Variants in COL6A6 observed in about 807,000 individuals in gnomAD.
The protein encoded by COL6A6 is collagen type VI alpha 6 chain.
COL6A6 carries 183 observed loss-of-function variants against 208.6 expected under a neutral mutation model. That is an observed-to-expected ratio of 0.88 (90% CI 0.78 to 0.99). The LOEUF is 0.99. Ranked by LOEUF, COL6A6 falls within the 50% of genes least tolerant of loss-of-function variation. The pLI, the probability that COL6A6 is intolerant of heterozygous loss-of-function variation, is 0.00. For synonymous variants in COL6A6, 973 were observed against 1,011.8 expected, an observed-to-expected ratio of 0.96 and a Z score of 0.73; for missense variants, 2,816 against 2,815.2, an observed-to-expected ratio of 1.00 and a Z score of -0.01.
At chr3:130,609,175 T>C (rs139799726) in intron 22 of COL6A6, among the ~76,000 whole-genome samples, 46 of 152,330 alleles carry the variant, frequency 3.0e-4, no homozygotes, top group Non-Finnish European at 5.7e-4. Context: ...GAAAAGTGAA[T>C]GAGCAAACTA....
At chr3:130,665,183 C>A in intron 36 of COL6A6, 87 bp downstream of exon 36, 1 of 821,664 alleles carries the variant, frequency 1.2e-6, no homozygotes, top group Non-Finnish European at 1.9e-6. Context: ...TGCTTTTCTT[C>A]CTCCTCCATC....
At chr3:130,662,637 A>G (rs2065966476) in intron 35 of COL6A6, among the ~76,000 whole-genome samples, 1 of 152,182 alleles carries the variant, frequency 6.6e-6, no homozygotes, top group African/African-American at 2.4e-5. Flanking sequence ...TACAAAGTAG[A>G]AATCCTTGCA....
intron 28 of COL6A6, among the ~76,000 whole-genome samples, chr3:130,638,562 T>C (rs2065221235): frequency 6.6e-6 from 1 of 152,326 alleles, no homozygotes; most frequent in East Asian, 1.9e-4. Flanking sequence ...CAGACTCCTC[T>C]TGTTGGATTT....
At chr3:130,609,685 G>A (rs561432176) in intron 22 of COL6A6, among the ~76,000 whole-genome samples, 2 of 152,216 alleles carry the variant, frequency 1.3e-5, no homozygotes, top group East Asian at 3.9e-4. Context: ...AAAGCTTGAG[G>A]AATAAGTGTT....
At chr3:130,583,510 T>A (rs2063469810) in intron 10 of COL6A6, among the ~76,000 whole-genome samples, 1 of 152,228 alleles carries the variant, frequency 6.6e-6, no homozygotes, top group Non-Finnish European at 1.5e-5. Flanking sequence ...TAAGACCAAG[T>A]ATCTTTCTTC....
intron 6 of COL6A6, among the ~76,000 whole-genome samples, chr3:130,569,246 C>T (rs939560973): frequency 3.3e-5 from 5 of 152,058 alleles, no homozygotes; most frequent in Admixed American, 1.3e-4. Flanking sequence ...GTGATGTTTG[C>T]GAAAACACTT....
chr3:130,555,392 C>T (rs1482155665), intron 1 of COL6A6, among the ~76,000 whole-genome samples: 2 of 152,216 alleles, frequency 1.3e-5, no homozygotes, highest in Non-Finnish European at 2.9e-5. Flanking sequence ...CTGTGTCCTC[C>T]CTCTGTCCAT....
At position 130,568,142 on chromosome 3, in the gene COL6A6, A is replaced by T; in HGVS notation, c.1939A>T (p.Asn647Tyr). The T allele has an allele frequency of 6.2e-7, 1 of 1,614,014 alleles. No homozygotes were observed. Among genetic ancestry groups the T allele is most frequent in the South Asian group, 1.1e-5 (1 of 91,078 alleles). Residue 647 changes from asparagine to tyrosine, a missense_variant, in exon 6 of 37, where the codon AAC (asparagine) becomes TAC (tyrosine). By Grantham distance (143) the Asn-to-Tyr change is moderately radical. Coordinates refer to ENST00000358511, the MANE Select transcript of COL6A6 (RefSeq NM_001102608.3). ...CAGCAAAATGAAAACATTTATGAAA[A>T]ACCTGGTGAGCAAGTCTCAGATTGG... ...NFSKMKTFMK[N>Y]LVSKSQIGPD...
intron 36 of COL6A6, among the ~76,000 whole-genome samples, chr3:130,672,927 C>G (rs532194006): frequency 6.6e-6 from 1 of 150,406 alleles, no homozygotes; most frequent in East Asian, 2.0e-4. Flanking sequence ...GAGAATCACT[C>G]GAAACCCGGG....
At chr3:130,613,049 T>G (rs544395443) in intron 23 of COL6A6, among the ~76,000 whole-genome samples, 1 of 152,356 alleles carries the variant, frequency 6.6e-6, no homozygotes, top group Non-Finnish European at 1.5e-5. Flanking sequence ...ATGTTTGTGT[T>G]GCAATCGCCT....
intron 36 of COL6A6, among the ~76,000 whole-genome samples, chr3:130,667,193 A>G (rs1055072892): frequency 3.9e-5 from 6 of 152,234 alleles, no homozygotes; most frequent in Non-Finnish European, 7.3e-5. Context: ...TGCAAGAGGC[A>G]ATAGTAAGTG....
Position 130,563,367 on chromosome 3 carries a change from C to T in COL6A6, c.364C>T (p.Pro122Ser), listed in dbSNP as rs746030029. ...QEAHRTYFSA[P>S]ANGRDKKQFP... Reference sequence around the variant, plus strand: ...GGCTCACAGGACTTATTTCTCTGCACCCGCAAATGGGAGAGACAAGAAACA... The same window carrying T: ...GGCTCACAGGACTTATTTCTCTGCATCCGCAAATGGGAGAGACAAGAAACA... Residue 122 changes from proline (P) to serine (S), a missense_variant, in exon 3 of 37, where the codon CCC (proline) becomes TCC (serine). Pro to Ser is a moderately conservative substitution (Grantham distance 74, BLOSUM62 -1). Transcript: ENST00000358511. 8.7e-6 allele frequency: 14 copies of T among 1,613,974 alleles called. No homozygotes were observed. Among genetic ancestry groups the T allele is most frequent in the East Asian group, 2.2e-5 (1 of 44,876 alleles).
chr3:130,594,171 T>G, intron 17 of COL6A6, 110 bp from the exon 18 acceptor site: 1 of 871,942 alleles, frequency 1.1e-6, no homozygotes, highest in Non-Finnish European at 1.8e-6. Flanking sequence ...AAAAATAGCC[T>G]TTGTAGAAAA....
intron 27 of COL6A6, 32 bp from the exon 28 acceptor site, chr3:130,635,667 A>G (rs2065091352): frequency 7.0e-7 from 1 of 1,422,096 alleles, no homozygotes; most frequent in East Asian, 2.4e-5. Context: ...GTTTGATTTT[A>G]ATAACTATTT....
chr3:130,650,150 A>G (rs2065590438), intron 33 of COL6A6, among the ~76,000 whole-genome samples: 1 of 152,182 alleles, frequency 6.6e-6, no homozygotes, highest in South Asian at 2.1e-4. Flanking sequence ...GACTGATGAT[A>G]ACTTTAAAAT....
intron 1 of COL6A6, among the ~76,000 whole-genome samples, chr3:130,544,144 A>G (rs1363350927): frequency 2.0e-5 from 3 of 152,152 alleles, no homozygotes; most frequent in East Asian, 1.9e-4. Flanking sequence ...CTTTTGACCT[A>G]TATCTCCTTA....
intron 36 of COL6A6, among the ~76,000 whole-genome samples, chr3:130,670,432 ATT>A (rs2066183356): frequency 6.6e-6 from 1 of 152,172 alleles, no homozygotes; most frequent in African/African-American, 2.4e-5. Flanking sequence ...TTATTTTTGA[ATT>A]TGAGTTTTAT....
At chr3:130,597,834 C>T (rs1306011714) in intron 18 of COL6A6, among the ~76,000 whole-genome samples, 1 of 152,026 alleles carries the variant, frequency 6.6e-6, no homozygotes, top group East Asian at 1.9e-4. Context: ...TATGGGAGTG[C>T]CCAGGTGTCC....
At chr3:130,606,283 C>A (rs2064180226) in intron 20 of COL6A6, among the ~76,000 whole-genome samples, 1 of 151,988 alleles carries the variant, frequency 6.6e-6, no homozygotes. Flanking sequence ...ATATCTAGAC[C>A]CTACACTTAC....
Sources: allele counts gnomAD v4.1 joint callset (sites outside exome capture counted in the v4.1 genomes callset), GRCh38; gene constraint gnomAD v4.1.1; transcripts MANE v1.5; gene names NCBI Gene and HGNC (gene_info 2026-07-23, HGNC 2026-07-21).